DCLRE1C: variants seen among roughly 807,000 people sequenced by gnomAD.
DCLRE1C encodes DNA cross-link repair 1C, also known as protein artemis.
DCLRE1C carries 47 observed loss-of-function variants against 61.4 expected under a neutral mutation model. The ratio of observed to expected loss-of-function variants is 0.77; its 90% CI spans 0.61 to 0.98. The LOEUF is 0.98. DCLRE1C is among the 50% of genes least tolerant of loss of function. The probability of loss-of-function intolerance (pLI) is 0.00; values close to 1 mark genes in which losing one functional copy is unlikely to be tolerated. For missense variants in DCLRE1C, 858 were observed against 816.0 expected (o/e 1.05, Z -0.63); for synonymous variants, 337 against 287.6 (o/e 1.17, Z -1.74).
intron 7 of DCLRE1C, 29 bp from the exon 8 acceptor site, chr10:14,934,549 C>G: frequency 2.5e-6 from 4 of 1,614,094 alleles, no homozygotes; most frequent in Non-Finnish European, 3.4e-6. Context: ...AGACATTTAA[C>G]AGGTGGAGAG....
At chr10:14,914,940 T>TAA (rs201181306) in intron 13 of DCLRE1C, among the ~76,000 whole-genome samples, 20 of 142,780 alleles carry the variant, frequency 1.4e-4, no homozygotes, top group African/African-American at 4.3e-4. Context: ...TCCATCTCAT[T>TAA]AAAAAAAAAA....
intron 3 of DCLRE1C, among the ~76,000 whole-genome samples, chr10:14,940,689 G>A (rs1383572427): frequency 1.3e-5 from 2 of 152,190 alleles, no homozygotes; most frequent in Non-Finnish European, 2.9e-5. Flanking sequence ...AGTATCTGAT[G>A]AATAGATCAA....
intron 4 of DCLRE1C, 69 bp from the exon 5 acceptor site, chr10:14,936,662 C>A: frequency 9.4e-7 from 1 of 1,066,158 alleles, no homozygotes. Flanking sequence ...CAACAAAGCC[C>A]TCCTTCACAG....
intron 2 of DCLRE1C, among the ~76,000 whole-genome samples, chr10:14,946,431 A>C (rs760389156): frequency 6.6e-6 from 1 of 152,200 alleles, no homozygotes; most frequent in Non-Finnish European, 1.5e-5. Flanking sequence ...CTCCTTACAA[A>C]ATAGATACTA....
At chr10:14,912,945 G>A (rs1835520406) in intron 13 of DCLRE1C, among the ~76,000 whole-genome samples, 1 of 144,760 alleles carries the variant, frequency 6.9e-6, no homozygotes, top group African/African-American at 2.5e-5. Flanking sequence ...GCCTCCCAAA[G>A]TGCTGGGATT....
At chr10:14,921,182 T>TGGTCGCGGGCGC (rs1471377523) in intron 12 of DCLRE1C, among the ~76,000 whole-genome samples, 1 of 151,644 alleles carries the variant, frequency 6.6e-6, no homozygotes, top group Non-Finnish European at 1.5e-5. Flanking sequence ...TAGCCGGGCG[T>TGGTCGCGGGCGC]GGTCGCGGGC....
chr10:14,915,886 A>G (rs1836103035), intron 13 of DCLRE1C, among the ~76,000 whole-genome samples: 1 of 152,188 alleles, frequency 6.6e-6, no homozygotes, highest in African/African-American at 2.4e-5. Flanking sequence ...TTCTTACCAT[A>G]ATACTTAAAA....
At chr10:14,944,966 T>C in intron 3 of DCLRE1C, 139 bp downstream of exon 3, 9 of 628,380 alleles carry the variant, frequency 1.4e-5, no homozygotes, top group Non-Finnish European at 2.5e-5. Context: ...TAAGCCACCA[T>C]GTCCGGCCAG....
chr10:14,954,014 G>A lies in DCLRE1C; in HGVS notation c.-4C>T, dbSNP rs779310160. On this transcript the variant is annotated 5_prime_UTR_variant, in exon 1 of 14. Transcript: ENST00000378278. ...TCTGCCCCTCGAAAGAACTCATAGC[G>A]CCGCCGATCCCAGAGTCCGGGACCC... 1 of 1,613,890 alleles carries A rather than the reference G, an allele frequency of 6.2e-7. No individual in the cohort carries two copies. The highest frequency in any genetic ancestry group is 8.5e-7 in the Non-Finnish European group (1 of 1,179,894).
downstream of DCLRE1C, among the ~76,000 whole-genome samples, chr10:14,901,809 G>A (rs149009549): frequency 3.0e-3 from 448 of 151,588 alleles, no homozygotes; most frequent in African/African-American, 0.011. Flanking sequence ...CTCCAGCCTG[G>A]ACGACAGAGA....
chr10:14,942,551 CAT>C (rs1413514637), intron 3 of DCLRE1C: 1 of 152,308 alleles, frequency 6.6e-6, no homozygotes, highest in Non-Finnish European at 1.5e-5. Context: ...CACGCATGCA[CAT>C]ACACACACGC....
rs1295477255 is a variant in DCLRE1C, at chr10:14,919,761, G to A, written c.1133C>T (p.Ala378Val). Residue 378 changes from alanine (A) to valine (V), a missense_variant, in exon 13 of 14, where the codon GCT becomes GTT. Around this residue, in one of 2 missense-constraint regions of DCLRE1C, gnomAD observed 843 missense variants for 783.5 expected, o/e 1.08. Coordinates refer to ENST00000378278, the MANE Select transcript of DCLRE1C (RefSeq NM_001033855.3). ...ACCTGAGTCTCGGTGAACTGTTCTAGCTCTCTTCAGTTTTCCCAGTGGTTT... is the reference window on the plus strand; with the variant it reads ...ACCTGAGTCTCGGTGAACTGTTCTAACTCTCTTCAGTTTTCCCAGTGGTTT... ...KYKPLGKLKR[A>V]RTVHRDSEEE... The A allele has an allele frequency of 6.2e-6, 10 of 1,613,852 alleles. No homozygotes were observed. Among genetic ancestry groups the A allele is most frequent in the South Asian group, 1.1e-5 (1 of 91,078 alleles).
At chr10:14,931,009 T>C (rs1357568747) in intron 9 of DCLRE1C, among the ~76,000 whole-genome samples, 1 of 152,204 alleles carries the variant, frequency 6.6e-6, no homozygotes, top group Non-Finnish European at 1.5e-5. Context: ...ACTAGGCTTT[T>C]GGCTAATGGA....
intron 11 of DCLRE1C, among the ~76,000 whole-genome samples, chr10:14,926,046 G>A (rs966761875): frequency 2.0e-5 from 3 of 152,186 alleles, no homozygotes; most frequent in Admixed American, 2.0e-4. Flanking sequence ...AGAAGGATGT[G>A]TTTGCTATGA....
In DCLRE1C at chr10:14,909,037, C is replaced by A; in HGVS notation, c.1450G>T (p.Gly484Trp). Residue 484 changes from glycine (G) to tryptophan (W), a missense_variant, in exon 14 of 14, where the codon GGG (glycine) becomes TGG (tryptophan). By Grantham distance (184) the Gly-to-Trp change is radical. Transcript: ENST00000378278. ...GSVLHLQKAD[G>W]DVPQWEVFFK... Reference sequence around the variant, plus strand: ...AATACTTCCCACTGGGGTACATCCCCATCAGCCTTTTGCAGGTGAAGTACA... The same window carrying A: ...AATACTTCCCACTGGGGTACATCCCAATCAGCCTTTTGCAGGTGAAGTACA... The A allele has an allele frequency of 6.2e-7, 1 of 1,614,160 alleles. No homozygotes were observed.
intron 9 of DCLRE1C, among the ~76,000 whole-genome samples, chr10:14,929,939 G>A (rs886926348): frequency 1.8e-4 from 27 of 152,080 alleles, no homozygotes; most frequent in Non-Finnish European, 2.8e-4. Flanking sequence ...TCTTTTAAGC[G>A]GCTAGAAATA....
intron 5 of DCLRE1C, among the ~76,000 whole-genome samples, 195 bp downstream of exon 5, chr10:14,936,343 T>TA (rs1167067292): frequency 1.0e-4 from 15 of 143,412 alleles, no homozygotes; most frequent in Admixed American, 2.8e-4. Context: ...TTTTTTTTTT[T>TA]AAAAAAAAAA....
chr10:14,922,939 C>T (rs774741765), intron 12 of DCLRE1C, 42 bp downstream of exon 12: 2 of 1,416,484 alleles, frequency 1.4e-6, no homozygotes, highest in Non-Finnish European at 2.0e-6. Context: ...AGCCAAGAGC[C>T]ACCAAGGGGG....
At chr10:14,897,697 T>C (rs956313854) in exon 14 of DCLRE1C, 4 of 453,560 alleles carry the variant, frequency 8.8e-6, no homozygotes, top group Admixed American at 4.2e-5. Flanking sequence ...TAAAAAACTT[T>C]TATATGAATA....
Sources: gnomAD v4.1 joint callset for allele counts (sites outside exome capture counted in the v4.1 genomes callset) on GRCh38, gnomAD v4.1.1 for gene constraint, gnomAD v4.1.1 regional missense constraint, MANE v1.5 for transcripts, NCBI Gene and HGNC (gene_info 2026-07-23, HGNC 2026-07-21) for gene names.